PSME2: variants seen among roughly 807,000 people sequenced by gnomAD.
PSME2 encodes proteasome activator subunit 2.
PSME2 carries 20 observed loss-of-function variants against 38.8 expected under a neutral mutation model. The observed-to-expected ratio is 0.52, with a 90% CI of 0.36 to 0.75. The LOEUF is 0.75. Ranked by LOEUF, PSME2 falls within the 30% of genes least tolerant of loss-of-function variation. The probability of loss-of-function intolerance (pLI) is 0.00; values close to 1 mark genes in which losing one functional copy is unlikely to be tolerated. For missense variants in PSME2, 227 were observed against 287.6 expected, an observed-to-expected ratio of 0.79 and a Z score of 1.52; for synonymous variants, 82 against 102.5, an observed-to-expected ratio of 0.80 and a Z score of 1.21.
chr14:24,146,016 G>A, intron 2 of PSME2, 192 bp downstream of exon 2: 2 of 825,656 alleles, frequency 2.4e-6, no homozygotes, highest in Non-Finnish European at 4.0e-6. Flanking sequence ...AGAAGTGCCA[G>A]AAGTCGGGAG....
intron 3 of PSME2, 109 bp downstream of exon 3, chr14:24,145,601 C>G: frequency 6.8e-7 from 1 of 1,473,856 alleles, no homozygotes; most frequent in Non-Finnish European, 9.5e-7. Flanking sequence ...TGTTCCTAAT[C>G]CACTATTTGA....
Position 24,143,798 on chromosome 14 carries a change from A to G in PSME2, c.553-127T>C. ...CTTAGCACCAAGAAATAGGATCCCAAAGGACTGAGCAGAGAAAAGGGTCAA... is the reference window on the plus strand; with the variant it reads ...CTTAGCACCAAGAAATAGGATCCCAGAGGACTGAGCAGAGAAAAGGGTCAA... On this transcript the variant is annotated intron_variant, in intron 9 of 10. Coordinates refer to ENST00000216802, the MANE Select transcript of PSME2 (RefSeq NM_002818.3). This position sits in a 1 kb window ranked among gnomAD's most constrained non-coding sequence, Gnocchi z 4.4. 4 of 1,283,142 alleles carry G rather than the reference A, an allele frequency of 3.1e-6. No homozygotes were observed. Among genetic ancestry groups the G allele is most frequent in the Non-Finnish European group, 4.5e-6 (4 of 897,456 alleles). 79.5% of individuals were successfully genotyped at this position (1,283,142 alleles called of 1,614,324 possible).
At chr14:24,145,350 G>A (rs1016978944) in intron 4 of PSME2, 29 bp downstream of exon 4, 1 of 1,610,548 alleles carries the variant, frequency 6.2e-7, no homozygotes, top group Non-Finnish European at 8.5e-7. Flanking sequence ...TGGGTTTATA[G>A]TCCAAGTCCT....
intron 2 of PSME2, 96 bp downstream of exon 2, chr14:24,146,112 A>T: frequency 1.4e-6 from 2 of 1,453,334 alleles, no homozygotes; most frequent in Non-Finnish European, 1.9e-6. Context: ...AGTAGGGTTA[A>T]GTCTAGGGTG....
chr14:24,145,076 G>C lies in PSME2; in HGVS notation c.342C>G (p.Leu114=). 1 of 1,613,236 alleles carries C rather than the reference G, an allele frequency of 6.2e-7. No homozygotes were observed. Among genetic ancestry groups the C allele is most frequent in the Non-Finnish European group, 8.5e-7 (1 of 1,179,312 alleles). Residue 114 remains leucine (L), a synonymous_variant, in exon 6 of 11, where the codon CTC becomes CTG. Transcript: ENST00000216802. The part of the protein sequence containing the change: ...LALVKPEVWT[L]KEKCILVITW... ...GGCTTACCAGAATGCATTTCTCTTT[G>C]AGAGTCCAGACTTCTGGCTTAACCA...
Position 24,145,026 on chromosome 14 carries a change from C to T in PSME2, c.360+32G>A, listed in dbSNP as rs370364610. The stretch of plus-strand genomic sequence containing the variant: ...TCCAGGGCCTCACCTTGTGTGTCTT[C>T]TCTTTCTGCTTCCCCCATTTCCCAG... On this transcript the variant is annotated intron_variant, in intron 6 of 10. Transcript: ENST00000216802. 2.5e-6 allele frequency: 4 copies of T among 1,578,908 alleles called. No individual in the cohort carries two copies. In the African/African-American group the frequency reaches 4.0e-5, roughly 16 times the overall value.
At chr14:24,144,330 C>T (rs1298398748) in intron 7 of PSME2, 70 bp downstream of exon 7, 10 of 1,608,830 alleles carry the variant, frequency 6.2e-6, no homozygotes, top group African/African-American at 5.3e-5. Context: ...TCCTCCTCCT[C>T]CTGGTTCATG....
chr14:24,146,336 T>C, intron 1 of PSME2, 96 bp from the exon 2 acceptor site: 2 of 1,511,930 alleles, frequency 1.3e-6, no homozygotes, highest in Non-Finnish European at 1.8e-6. Context: ...GCTCAGGCCT[T>C]TCTCACCACA....
rs774937397 is a variant in PSME2, at chr14:24,144,241, C to T, written c.448G>A (p.Val150Met). The T allele has an allele frequency of 1.9e-6, 3 of 1,614,234 alleles. No homozygotes were observed. Among genetic ancestry groups the T allele is most frequent in the Non-Finnish European group, 2.5e-6 (3 of 1,180,050 alleles). Residue 150 changes from valine to methionine, a missense_variant, in exon 8 of 11, where the codon GTG becomes ATG. Val to Met is a conservative substitution (Grantham distance 21, BLOSUM62 1). Coordinates refer to ENST00000216802, the MANE Select transcript of PSME2 (RefSeq NM_002818.3). The part of the protein sequence containing the change: ...VAIQEKVLER[V>M]NAVKTKVEAF... ...TCCACTTTGGTCTTGACGGCATTCA[C>T]CCTCTCCAGCACCTTCTCCTGTGGT...
chr14:24,146,550 C>G lies in PSME2; in HGVS notation c.32G>C (p.Gly11Ala). Residue 11 changes from glycine to alanine, a missense_variant, in exon 1 of 11, where the codon GGG (glycine) becomes GCG (alanine). Physicochemically the swap from Gly to Ala is moderately conservative, Grantham distance 60. Coordinates refer to ENST00000216802, the MANE Select transcript of PSME2 (RefSeq NM_002818.3). MAKPCGVRLS[G>A]EARKQVEVFR... Reference sequence around the variant, plus strand: ...CCCCATTACCTGTTTGCGGGCTTCCCCGCTCAGGCGCACCCCACACGGCTT... The same window carrying G: ...CCCCATTACCTGTTTGCGGGCTTCCGCGCTCAGGCGCACCCCACACGGCTT... 6.2e-7 allele frequency: 1 copy of G among 1,613,966 alleles called. No homozygotes were observed. The highest frequency in any genetic ancestry group is 8.5e-7 in the Non-Finnish European group (1 of 1,180,032).
chr14:24,146,269 G>T, intron 1 of PSME2, 29 bp from the exon 2 acceptor site: 1 of 1,613,186 alleles, frequency 6.2e-7, no homozygotes, highest in Non-Finnish European at 8.5e-7. Context: ...CCGGATGTTG[G>T]TTAAGGGTCT....
chr14:24,143,913 C>T lies in PSME2; in HGVS notation c.552+62G>A. ...AAAGTCACAAACAAGACAAGGAGGACTTCTTCCTCCACACCTCCTCGTCCC... is the reference window on the plus strand; with the variant it reads ...AAAGTCACAAACAAGACAAGGAGGATTTCTTCCTCCACACCTCCTCGTCCC... On this transcript the variant is annotated intron_variant, in intron 9 of 10. Coordinates refer to ENST00000216802, the MANE Select transcript of PSME2 (RefSeq NM_002818.3). This position sits in a 1 kb window ranked among gnomAD's most constrained non-coding sequence, Gnocchi z 4.4. 1 of 1,545,822 alleles carries T rather than the reference C, an allele frequency of 6.5e-7. No homozygotes were observed. The highest frequency in any genetic ancestry group is 8.9e-7 in the Non-Finnish European group (1 of 1,119,560).
intron 2 of PSME2, 127 bp downstream of exon 2, chr14:24,146,081 G>A (rs766211813): frequency 1.9e-5 from 23 of 1,195,828 alleles, no homozygotes; most frequent in Non-Finnish European, 2.8e-5. Context: ...GGGTTACTTT[G>A]GGTGAAGGCT....
In PSME2 at chr14:24,145,098, AC is replaced by A. The variant is rs2038129658; in HGVS notation, c.319del (p.Val107LeufsTer15). On this transcript the variant is annotated frameshift_variant, in exon 6 of 11. Transcript: ENST00000216802. LOFTEE classifies it high-confidence loss of function. ...NEKVLSLLAL[V>X]KPEVWTLKEK... ...TTTGAGAGTCCAGACTTCTGGCTTA[AC>A]CAGGGCAAGCAGGGACAGGACTTTC... is the stretch of plus-strand genomic sequence containing the variant. The A allele has an allele frequency of 1.9e-6, 3 of 1,613,714 alleles. No individual in the cohort carries two copies. Among genetic ancestry groups the A allele is most frequent in the African/African-American group, 1.3e-5 (1 of 74,882 alleles).
At chr14:24,146,427 C>G (rs2038157516) in intron 1 of PSME2, 107 bp downstream of exon 1, 4 of 1,498,530 alleles carry the variant, frequency 2.7e-6, no homozygotes, top group Admixed American at 1.8e-5. Flanking sequence ...AAGGCACTAG[C>G]GAGATTGGGG....
rs2038118249 is a variant in PSME2, at chr14:24,144,244, T to C, written c.445A>G (p.Arg149Gly). 6.2e-7 allele frequency: 1 copy of C among 1,614,066 alleles called. No homozygotes were observed. Among genetic ancestry groups the C allele is most frequent in the African/African-American group, 1.3e-5 (1 of 74,920 alleles). ...ACTTTGGTCTTGACGGCATTCACCC[T>C]CTCCAGCACCTTCTCCTGTGGTGAC... ...GVAIQEKVLE[R>G]VNAVKTKVEA... The change falls in exon 8 of 11, where the codon AGG (arginine) becomes GGG (glycine). Residue 149 changes from arginine (R) to glycine (G), a missense_variant. Physicochemically the swap from Arg to Gly is moderately radical, Grantham distance 125. This residue lies in a region of PSME2 where 48 missense variants were observed against 96.4 expected (regional missense o/e 0.50). Coordinates refer to ENST00000216802, the MANE Select transcript of PSME2 (RefSeq NM_002818.3).
chr14:24,144,932 A>G (rs2038127327), intron 6 of PSME2, 126 bp downstream of exon 6: 1 of 948,746 alleles, frequency 1.1e-6, no homozygotes, highest in South Asian at 1.5e-5. Flanking sequence ...ATCTAAGCCC[A>G]AGGCACAGAA....
At chr14:24,144,350 C>T (rs767297299) in intron 7 of PSME2, 50 bp downstream of exon 7, 2 of 1,606,960 alleles carry the variant, frequency 1.2e-6, no homozygotes, top group Admixed American at 1.7e-5. Flanking sequence ...GTCTAGCTCA[C>T]CCCCTGAGGC....
chr14:24,144,509 T>A, intron 6 of PSME2, 41 bp from the exon 7 acceptor site: 1 of 1,559,488 alleles, frequency 6.4e-7, no homozygotes. Context: ...TCAACAAACA[T>A]ACTGAGTTCT....
Sources: allele counts gnomAD v4.1 joint callset, GRCh38; gene constraint gnomAD v4.1.1; regional missense constraint gnomAD v4.1.1; non-coding constraint Gnocchi (gnomAD v3.1); transcripts MANE v1.5; gene names NCBI Gene and HGNC (gene_info 2026-07-23, HGNC 2026-07-21).